The following ZNF536 variants were observed in gnomAD, a reference collection of about 807,000 sequenced individuals.
ZNF536 encodes zinc finger protein 536.
In ZNF536, 13 loss-of-function variants were observed where a neutral mutation model predicts 84.5. That is an observed-to-expected ratio of 0.15 (90% CI 0.10 to 0.24). The LOEUF is 0.24. Among genes scored for constraint, ZNF536 ranks in the 10% least tolerant of loss-of-function variants. The probability of loss-of-function intolerance (pLI) is 1.00; values close to 1 mark genes in which losing one functional copy is unlikely to be tolerated. For missense variants in ZNF536, 1,536 were observed against 1,747.5 expected, an observed-to-expected ratio of 0.88 and a Z score of 2.16; for synonymous variants, 811 against 742.5, an observed-to-expected ratio of 1.09 and a Z score of -1.50.
At chr19:30,280,545 T>C (rs2045405287) in intron 1 of ZNF536, among the ~76,000 whole-genome samples, 2 of 152,196 alleles carry the variant, frequency 1.3e-5, no homozygotes, top group African/African-American at 2.4e-5. Context: ...GTGACATTCA[T>C]TGCTGCTCTC....
At chr19:30,245,161 C>T (rs1197280312) in intron 1 of ZNF536, among the ~76,000 whole-genome samples, 1 of 152,224 alleles carries the variant, frequency 6.6e-6, no homozygotes, top group Non-Finnish European at 1.5e-5. Flanking sequence ...GGGACCCCCT[C>T]ATCCTCACCT....
intron 2 of ZNF536, among the ~76,000 whole-genome samples, chr19:30,304,567 C>T (rs1044026475): frequency 6.6e-6 from 1 of 152,214 alleles, no homozygotes; most frequent in Admixed American, 6.5e-5. Flanking sequence ...CAACCACTGC[C>T]TGTCCCCAGC....
intron 1 of ZNF536, among the ~76,000 whole-genome samples, chr19:30,375,636 C>T (rs1256651569): frequency 6.6e-6 from 1 of 152,232 alleles, no homozygotes; most frequent in African/African-American, 2.4e-5. Context: ...TCCGCTTGTG[C>T]GCATATGGGC....
At chr19:30,424,221 G>A (rs2051112820) in intron 1 of ZNF536, among the ~76,000 whole-genome samples, 2 of 152,168 alleles carry the variant, frequency 1.3e-5, no homozygotes, top group African/African-American at 4.8e-5. Context: ...CACTTTCCAA[G>A]GCACACACAC....
upstream of ZNF536, among the ~76,000 whole-genome samples, chr19:30,226,029 A>T (rs1222817841): frequency 6.6e-6 from 1 of 151,340 alleles, no homozygotes; most frequent in Non-Finnish European, 1.5e-5. This position sits in a 1 kb window ranked among gnomAD's most constrained non-coding sequence, Gnocchi z 4.6. Context: ...GGCGAGCGGG[A>T]CCTGCGCCTG....
In ZNF536 at chr19:30,444,270, C is replaced by A; in HGVS notation, c.708C>A (p.Ala236=). 6.4e-7 allele frequency: 1 copy of A among 1,558,096 alleles called. No individual in the cohort carries two copies. The highest frequency in any genetic ancestry group is 8.6e-7 in the Non-Finnish European group (1 of 1,159,454). ...PPPHAQQAPL[A]ACTLALQANH... is the part of the protein sequence containing the mutation. ...CGCACGCCCAGCAGGCCCCGCTGGCCGCCTGCACCCTGGCCCTGCAGGCTA... is the reference window on the plus strand; with the variant it reads ...CGCACGCCCAGCAGGCCCCGCTGGCAGCCTGCACCCTGGCCCTGCAGGCTA... Residue 236 remains alanine, a synonymous_variant, in exon 2 of 5, where the codon GCC becomes GCA. Transcript: ENST00000355537.
chr19:30,250,727 T>C (rs2024557650), intron 1 of ZNF536, among the ~76,000 whole-genome samples: 1 of 152,108 alleles, frequency 6.6e-6, no homozygotes, highest in African/African-American at 2.4e-5. Context: ...ACAACTACGA[T>C]TCCTCTTCTG....
chr19:30,579,726 G>A (rs939851582), intron 1 of ZNF536, among the ~76,000 whole-genome samples: 1 of 152,152 alleles, frequency 6.6e-6, no homozygotes, highest in African/African-American at 2.4e-5. Context: ...TCCCCAAGGG[G>A]CACATTGAGT....
chr19:30,231,529 G>A (rs1174397307), intron 1 of ZNF536, among the ~76,000 whole-genome samples: 2 of 152,200 alleles, frequency 1.3e-5, no homozygotes, highest in African/African-American at 4.8e-5. Context: ...AGGGAAGGGA[G>A]CAGGGCCAAT....
chr19:30,436,500 T>C, intron 1 of ZNF536: 1 of 985,060 alleles, frequency 1.0e-6, no homozygotes, highest in Non-Finnish European at 1.2e-6. Flanking sequence ...TTGCTCAGCA[T>C]AGCAAGCTCT....
At chr19:30,482,472 A>G (rs1266814119) in intron 2 of ZNF536, among the ~76,000 whole-genome samples, 1 of 151,740 alleles carries the variant, frequency 6.6e-6, no homozygotes, top group Non-Finnish European at 1.5e-5. Flanking sequence ...TGTGACCCCA[A>G]CCTACCTAGC....
At position 30,445,782 on chromosome 19, in the gene ZNF536, C is replaced by T. The variant is rs376698800; in HGVS notation, c.2170+50C>T. ...AAGCAGCTTGTACAGCAGCCCTGCT[C>T]AGGGCTGCCTGGTTCTGCTCCCAGG... On this transcript the variant is annotated intron_variant, in intron 2 of 4. Coordinates refer to ENST00000355537, the MANE Select transcript of ZNF536 (RefSeq NM_014717.3). This position sits in a 1 kb window ranked among gnomAD's most constrained non-coding sequence, Gnocchi z 4.5. The T allele has an allele frequency of 2.0e-6, 3 of 1,514,988 alleles. No homozygotes were observed. Among genetic ancestry groups the T allele is most frequent in the Non-Finnish European group, 2.6e-6 (3 of 1,133,594 alleles). 93.8% of individuals were successfully genotyped at this position (1,514,988 alleles called of 1,614,324 possible).
At chr19:30,266,524 CCTT>C (rs565151072) in intron 1 of ZNF536, among the ~76,000 whole-genome samples, 148 of 152,206 alleles carry the variant, frequency 9.7e-4, no homozygotes, top group African/African-American at 3.2e-3. Context: ...TCTCTCTCCT[CCTT>C]GATTGTTTTG....
intron 1 of ZNF536, among the ~76,000 whole-genome samples, chr19:30,646,824 G>C (rs1197492053): frequency 6.6e-6 from 1 of 152,146 alleles, no homozygotes; most frequent in African/African-American, 2.4e-5. Context: ...CACCACGTTT[G>C]GGCGCATTTC....
At chr19:30,606,702 G>T (rs1049879832) in intron 1 of ZNF536, among the ~76,000 whole-genome samples, 6 of 152,096 alleles carry the variant, frequency 3.9e-5, no homozygotes, top group African/African-American at 1.4e-4. Context: ...TGACTCCCAG[G>T]CACAAACGGG....
chr19:30,273,176 A>G (rs953074156), intron 1 of ZNF536, among the ~76,000 whole-genome samples: 16 of 152,118 alleles, frequency 1.1e-4, no homozygotes, highest in Non-Finnish European at 1.0e-4. Context: ...TGCTGGGATT[A>G]CAGGCATGAA....
chr19:30,596,896 CTT>C (rs1223908936), intron 1 of ZNF536, among the ~76,000 whole-genome samples: 2 of 151,666 alleles, frequency 1.3e-5, no homozygotes, highest in Non-Finnish European at 2.9e-5. Flanking sequence ...AGGAGGCTCT[CTT>C]ATTACTGGAC....
chr19:30,309,329 G>C (rs970763081), intron 2 of ZNF536, among the ~76,000 whole-genome samples: 7 of 152,154 alleles, frequency 4.6e-5, no homozygotes, highest in African/African-American at 1.4e-4. Context: ...TGGTATCCCG[G>C]GGGCCAGTGT....
intron 1 of ZNF536, among the ~76,000 whole-genome samples, chr19:30,623,792 T>C (rs2048575343): frequency 6.6e-6 from 1 of 152,198 alleles, no homozygotes; most frequent in Non-Finnish European, 1.5e-5. Context: ...GTTACAGAGC[T>C]GCAAATGTTG....
Sources: allele counts gnomAD v4.1 joint callset (sites outside exome capture counted in the v4.1 genomes callset), GRCh38; gene constraint gnomAD v4.1.1; non-coding constraint Gnocchi (gnomAD v3.1); transcripts MANE v1.5; gene names NCBI Gene and HGNC (gene_info 2026-07-23, HGNC 2026-07-21).